Variants in CMC2 observed in about 807,000 individuals in gnomAD.
The protein encoded by CMC2 is C-X9-C motif containing 2, also known as COX assembly mitochondrial protein 2 homolog.
In CMC2, 5 loss-of-function variants were observed where a neutral mutation model predicts 7.5. The observed-to-expected ratio is 0.66, with a 90% CI of 0.35 to 1.40. CMC2 has a LOEUF of 1.40. Among genes scored for constraint, CMC2 ranks in the 40% most tolerant of loss-of-function variants. CMC2 has a pLI of 0.04. For missense variants in CMC2, 115 were observed against 92.3 expected (o/e 1.25, Z -1.01); for synonymous variants, 37 against 31.4 (o/e 1.18, Z -0.60).
intron 1 of CMC2, chr16:81,001,310 C>T (rs1968846946): frequency 6.6e-6 from 1 of 152,142 alleles, no homozygotes; most frequent in African/African-American, 2.4e-5. Flanking sequence ...ATGTAAGAAA[C>T]CTGCACATTA....
At chr16:81,000,642 A>G (rs555356167) in intron 1 of CMC2, among the ~76,000 whole-genome samples, 38 of 152,364 alleles carry the variant, frequency 2.5e-4, no homozygotes, top group African/African-American at 8.2e-4. Flanking sequence ...CAAAACCACA[A>G]TGAGATATCA....
chr16:80,970,763 C>G lies in CMC2; in HGVS notation c.*5330G>C, dbSNP rs1476711546. ...TAAATATACAGAAGTCAATTACACT[C>G]CAATGTATCAGTAATAGGAAATTAG... is the stretch of plus-strand genomic sequence containing the variant. On this transcript the variant is annotated 3_prime_UTR_variant, in exon 4 of 4. Coordinates refer to ENST00000219400, the MANE Select transcript of CMC2 (RefSeq NM_020188.5). 1 of 152,126 alleles carries G rather than the reference C, an allele frequency of 6.6e-6. No homozygotes were observed. Among genetic ancestry groups the G allele is most frequent in the East Asian group, 1.9e-4 (1 of 5,196 alleles). The allele number at this position is 152,126 out of a possible 1,614,324, so 9.4% of individuals were successfully genotyped here.
Position 80,997,424 on chromosome 16 carries a change from T to C in CMC2, c.-30A>G, listed in dbSNP as rs1274818740. ...AGGAGATGAGGATGGATCACAGCAG[T>C]GCAACCTGTGGATACAAGAGTGTCT... On this transcript the variant is annotated 5_prime_UTR_variant, in exon 2 of 4. Coordinates refer to ENST00000219400, the MANE Select transcript of CMC2 (RefSeq NM_020188.5). 1.9e-6 allele frequency: 3 copies of C among 1,543,800 alleles called. No individual in the cohort carries two copies. Among genetic ancestry groups the C allele is most frequent in the Non-Finnish European group, 1.8e-6 (2 of 1,116,482 alleles).
intron 2 of CMC2, among the ~76,000 whole-genome samples, chr16:80,985,282 A>G (rs1967433381): frequency 6.6e-6 from 1 of 152,146 alleles, no homozygotes; most frequent in African/African-American, 2.4e-5. Context: ...GTTCATTTTC[A>G]TCCTCCCACA....
chr16:80,978,216 C>A, intron 3 of CMC2: 1 of 1,007,706 alleles, frequency 9.9e-7, no homozygotes, highest in Non-Finnish European at 1.2e-6. Context: ...AGGATACCTG[C>A]TCTGAGAAAA....
At chr16:80,986,273 CGG>C (rs1413960586) in intron 2 of CMC2, among the ~76,000 whole-genome samples, 2 of 152,070 alleles carry the variant, frequency 1.3e-5, no homozygotes, top group Non-Finnish European at 2.9e-5. Context: ...TCGCTTGAAC[CGG>C]AGAGACGGAA....
rs1459405453 is a variant in CMC2 at position 80,999,666 on chromosome 16, AT to A, written c.-35-2238del. On this transcript the variant is annotated intron_variant, in intron 1 of 3. Transcript: ENST00000219400. Reference sequence around the variant, plus strand: ...GTATCACATTACCCTACTTCAGACTATAAGGCTACAATAACCAAATCAGCAA... The same window carrying A: ...GTATCACATTACCCTACTTCAGACTAAAGGCTACAATAACCAAATCAGCAA... Among the ~76,000 whole-genome samples, 5 of 152,368 alleles carry A rather than the reference AT, an allele frequency of 3.3e-5. No individual in the cohort carries two copies. The East Asian group carries it at 9.6e-4, about 29-fold the overall frequency.
chr16:80,990,390 A>T (rs1408723550), intron 2 of CMC2, among the ~76,000 whole-genome samples: 1 of 152,084 alleles, frequency 6.6e-6, no homozygotes, highest in African/African-American at 2.4e-5. Flanking sequence ...GGCTGGTCTC[A>T]AACTCCTGGA....
In CMC2 at chr16:80,970,410, A is replaced by T. The variant is rs7202141; in HGVS notation, c.*5683T>A. ...AAGGCACACTAGAAGGAGGTGCAGT[A>T]GAGGTTGAGCAAGTCTATCTACAAT... On this transcript the variant is annotated 3_prime_UTR_variant, in exon 4 of 4. Transcript: ENST00000219400. 6.6e-6 allele frequency: 1 copy of T among 152,080 alleles called. No individual in the cohort carries two copies. Among genetic ancestry groups the T allele is most frequent in the East Asian group, 1.9e-4 (1 of 5,190 alleles). The allele number at this position is 152,080 out of a possible 1,614,324, so 9.4% of individuals were successfully genotyped here.
intron 2 of CMC2, among the ~76,000 whole-genome samples, chr16:80,988,120 G>A (rs1247490785): frequency 6.6e-6 from 1 of 152,154 alleles, no homozygotes; most frequent in African/African-American, 2.4e-5. Context: ...GGAGTTCAAG[G>A]CTGCTGTGAA....
intron 3 of CMC2, 134 bp from the exon 4 acceptor site, chr16:80,976,313 T>C: frequency 1.7e-6 from 1 of 576,564 alleles, no homozygotes; most frequent in South Asian, 2.2e-5. Flanking sequence ...TTTAAACATG[T>C]TCTTACTGAC....
At chr16:80,993,580 C>T (rs996898308) in intron 2 of CMC2, among the ~76,000 whole-genome samples, 10 of 152,168 alleles carry the variant, frequency 6.6e-5, no homozygotes, top group African/African-American at 2.4e-4. Flanking sequence ...CTGAAAAACG[C>T]AGAGCTCACA....
Position 80,967,040 on chromosome 16 carries a change from T to C in CMC2, c.*9053A>G, listed in dbSNP as rs959064039. 12 of 152,376 alleles carry C rather than the reference T, an allele frequency of 7.9e-5. No homozygotes were observed. Among genetic ancestry groups the C allele is most frequent in the African/African-American group, 2.6e-4 (11 of 41,592 alleles). 9.4% of individuals were successfully genotyped at this position (152,376 alleles called of 1,614,324 possible). The stretch of plus-strand genomic sequence containing the variant: ...CTACTTCAACACTTTATTTATTCTT[T>C]ATTCACTAAAAATTCATTCATTCAG... On this transcript the variant is annotated 3_prime_UTR_variant, in exon 4 of 4. Coordinates refer to ENST00000219400, the MANE Select transcript of CMC2 (RefSeq NM_020188.5).
intron 2 of CMC2, among the ~76,000 whole-genome samples, chr16:80,995,325 T>C (rs889068881): frequency 6.7e-6 from 1 of 149,860 alleles, no homozygotes; most frequent in Non-Finnish European, 1.5e-5. Flanking sequence ...CAGCATGTTA[T>C]GACCCTCAAA....
At chr16:80,980,944 T>C (rs1967065640) in intron 3 of CMC2, 1 of 610,422 alleles carries the variant, frequency 1.6e-6, no homozygotes, top group South Asian at 1.9e-5. Context: ...CTCCAAAAAG[T>C]TCTTCAAACA....
At chr16:80,997,644 C>A in intron 1 of CMC2, 1 of 313,210 alleles carries the variant, frequency 3.2e-6, no homozygotes, top group Non-Finnish European at 5.9e-6. Flanking sequence ...AGAGAACCTA[C>A]AGGTTCAGGA....
Position 80,981,885 on chromosome 16 carries a change from G to T in CMC2, c.82-8C>A. On this transcript the variant is annotated splice_region_variant and splice_polypyrimidine_tract_variant and intron_variant, in intron 2 of 3. Coordinates refer to ENST00000219400, the MANE Select transcript of CMC2 (RefSeq NM_020188.5). ...AAATTTCAGAATGTTGTGCTAAAAGGAAGAAAAGGAGTAAAATATTTCATC... is the reference window on the plus strand; with the variant it reads ...AAATTTCAGAATGTTGTGCTAAAAGTAAGAAAAGGAGTAAAATATTTCATC... 1 of 1,585,640 alleles carries T rather than the reference G, an allele frequency of 6.3e-7. No homozygotes were observed. The highest frequency in any genetic ancestry group is 1.1e-5 in the South Asian group (1 of 89,362).
rs1047230194 is a variant in CMC2 at position 80,975,825 on chromosome 16, G to A, written c.*268C>T. ...AATTATTTAAATTATTTTATTGAAG[G>A]AGATAAGTTACTCAGATATTAACTG... On this transcript the variant is annotated 3_prime_UTR_variant, in exon 4 of 4. Transcript: ENST00000219400. The A allele has an allele frequency of 1.1e-5, 3 of 266,656 alleles. No individual in the cohort carries two copies. Among genetic ancestry groups the A allele is most frequent in the Non-Finnish European group, 2.1e-5 (3 of 143,552 alleles). The allele number at this position is 266,656 out of a possible 1,614,324, so 16.5% of individuals were successfully genotyped here.
At chr16:80,985,288 C>A (rs1048389501) in intron 2 of CMC2, among the ~76,000 whole-genome samples, 1 of 152,116 alleles carries the variant, frequency 6.6e-6, no homozygotes. Flanking sequence ...TTTCATCCTC[C>A]CACAAGGGTA....
Sources: gnomAD v4.1 joint callset for allele counts (sites outside exome capture counted in the v4.1 genomes callset) on GRCh38, gnomAD v4.1.1 for gene constraint, MANE v1.5 for transcripts, NCBI Gene and HGNC (gene_info 2026-07-23, HGNC 2026-07-21) for gene names.